PDE4B: variants seen among roughly 807,000 people sequenced by gnomAD.
PDE4B encodes 3',5'-cyclic-AMP phosphodiesterase 4B.
PDE4B carries 20 observed loss-of-function variants against 82.2 expected under a neutral mutation model. That is an observed-to-expected ratio of 0.24 (90% confidence interval 0.17 to 0.35). The LOEUF (loss-of-function observed/expected upper bound fraction) is 0.35. Ranked by LOEUF, PDE4B falls within the 10% of genes least tolerant of loss-of-function variation. The probability of loss-of-function intolerance (pLI) is 1.00; values close to 1 mark genes in which losing one functional copy is unlikely to be tolerated. For synonymous variants in PDE4B, 320 were observed against 318.9 expected (o/e 1.00, Z -0.04); for missense variants, 655 against 907.2 (o/e 0.72, Z 3.57).
chr1:65,833,366 T>G (rs995934090), intron 1 of PDE4B, among the ~76,000 whole-genome samples: 2 of 152,214 alleles, frequency 1.3e-5, no homozygotes, highest in African/African-American at 4.8e-5. Context: ...CACCAGACTT[T>G]AAGGCGTCTG....
At chr1:66,084,085 T>A (rs1366283642) in intron 3 of PDE4B, among the ~76,000 whole-genome samples, 1 of 152,072 alleles carries the variant, frequency 6.6e-6, no homozygotes, top group East Asian at 1.9e-4. Flanking sequence ...ACAGAAAGGG[T>A]AAGCCTTAAT....
At chr1:66,018,777 T>C (rs1652922155) in intron 3 of PDE4B, among the ~76,000 whole-genome samples, 1 of 152,200 alleles carries the variant, frequency 6.6e-6, no homozygotes. Flanking sequence ...TATATATTTA[T>C]CCAACCATTA....
rs560468959 is a variant in PDE4B, at chr1:65,957,855, T to C, written c.281+39020T>C. On this transcript the variant is annotated intron_variant, in intron 3 of 16. Coordinates refer to ENST00000341517, the MANE Select transcript of PDE4B (RefSeq NM_002600.4). ...CATGGAAATAAAATTAGATTTTATA[T>C]TTTGACATTACAACCAGCTGTTTGT... 5.3e-3 allele frequency among the ~76,000 whole-genome samples: 803 copies of C among 152,252 alleles called. 3 individuals are homozygous for C. The highest frequency in any genetic ancestry group is 0.018 in the African/African-American group (760 of 41,566).
intron 3 of PDE4B, among the ~76,000 whole-genome samples, chr1:66,056,961 T>C (rs1655335349): frequency 6.6e-6 from 1 of 152,230 alleles, no homozygotes; most frequent in East Asian, 1.9e-4. Context: ...TTGCAGTAAT[T>C]TATGACAGCA....
intron 3 of PDE4B, among the ~76,000 whole-genome samples, chr1:66,139,926 T>G (rs531659584): frequency 6.6e-6 from 1 of 152,276 alleles, no homozygotes; most frequent in East Asian, 1.9e-4. Flanking sequence ...TTTACCTATA[T>G]GAGGTACTTA....
chr1:65,819,117 G>A (rs554614659), intron 1 of PDE4B, among the ~76,000 whole-genome samples: 24 of 152,116 alleles, frequency 1.6e-4, no homozygotes, highest in African/African-American at 5.3e-4. Context: ...ACCACACAAG[G>A]GCTTTTGAAC....
chr1:66,240,949 G>A (rs1380203108), intron 3 of PDE4B, among the ~76,000 whole-genome samples: 2 of 152,220 alleles, frequency 1.3e-5, no homozygotes, highest in Non-Finnish European at 2.9e-5. Flanking sequence ...GTAGAAGCCG[G>A]ATCCCTAGAA....
intron 3 of PDE4B, among the ~76,000 whole-genome samples, chr1:66,040,872 A>C (rs1654330130): frequency 6.6e-6 from 1 of 151,858 alleles, no homozygotes; most frequent in South Asian, 2.1e-4. Context: ...GAGGGAGAGG[A>C]GGGCTTTTAA....
At chr1:66,320,608 T>C (rs1659334054) in intron 7 of PDE4B, among the ~76,000 whole-genome samples, 2 of 152,176 alleles carry the variant, frequency 1.3e-5, no homozygotes, top group Non-Finnish European at 1.5e-5. Flanking sequence ...AGCCCATCTG[T>C]TGATATGTTG....
rs568902261 is a variant in PDE4B, at chr1:66,202,527, G to C, written c.282-44933G>C. Among the ~76,000 whole-genome samples, 245 of 152,252 alleles carry C rather than the reference G, an allele frequency of 1.6e-3. 1 individual carries two copies. Among genetic ancestry groups the C allele is most frequent in the African/African-American group, 5.8e-3 (239 of 41,520 alleles). On this transcript the variant is annotated intron_variant, in intron 3 of 16. Transcript: ENST00000341517. ...CAGGACTTGCTTTATGAATCTGGGT[G>C]CGCCTGTATTGGGTGCATATATATT... is the stretch of plus-strand genomic sequence containing the variant.
intron 3 of PDE4B, among the ~76,000 whole-genome samples, chr1:66,021,255 A>G (rs1020388760): frequency 2.0e-5 from 3 of 152,200 alleles, no homozygotes; most frequent in Non-Finnish European, 4.4e-5. Context: ...ACTTTCTCCC[A>G]TTCAATAAGT....
intron 3 of PDE4B, among the ~76,000 whole-genome samples, chr1:65,972,751 A>AT (rs962641540): frequency 2.6e-5 from 4 of 152,076 alleles, no homozygotes. Flanking sequence ...ATTATTTTCA[A>AT]TTTTTTCCTT....
At chr1:66,317,357 G>A (rs1021893308) in intron 7 of PDE4B, among the ~76,000 whole-genome samples, 11 of 151,938 alleles carry the variant, frequency 7.2e-5, no homozygotes, top group African/African-American at 1.5e-4. Context: ...ACCCTACCCC[G>A]CACACTTCAG....
chr1:66,048,436 G>T (rs972280455), intron 3 of PDE4B, among the ~76,000 whole-genome samples: 1 of 151,894 alleles, frequency 6.6e-6, no homozygotes, highest in Non-Finnish European at 1.5e-5. Flanking sequence ...ATCTTGACCA[G>T]ATATTATTTG....
intron 1 of PDE4B, among the ~76,000 whole-genome samples, chr1:65,875,695 G>C (rs1023152819): frequency 6.7e-6 from 1 of 148,944 alleles, no homozygotes; most frequent in African/African-American, 2.5e-5. Context: ...GTAAACTATT[G>C]CAAGAACAAA....
chr1:65,954,538 T>G (rs1409518590), intron 3 of PDE4B, among the ~76,000 whole-genome samples: 1 of 152,104 alleles, frequency 6.6e-6, no homozygotes, highest in Non-Finnish European at 1.5e-5. Context: ...AGAAAAAAAT[T>G]ACCAAGTATT....
intron 1 of PDE4B, among the ~76,000 whole-genome samples, chr1:65,865,765 G>A (rs1646503971): frequency 6.6e-6 from 1 of 152,192 alleles, no homozygotes; most frequent in Non-Finnish European, 1.5e-5. Context: ...TGGAAATGCA[G>A]AAATCACGCA....
In PDE4B at chr1:66,112,394, C is replaced by T. The variant is rs938393232; in HGVS notation, c.282-135066C>T. ...TATAATGAGGACAGAATTGAGGTCA[C>T]GTCTCTACCAGTGTGACTAGGAACA... is the stretch of plus-strand genomic sequence containing the variant. On this transcript the variant is annotated intron_variant, in intron 3 of 16. Transcript: ENST00000341517. 2.6e-5 allele frequency among the ~76,000 whole-genome samples: 4 copies of T among 152,126 alleles called. No individual in the cohort carries two copies. In the East Asian group the frequency reaches 5.8e-4, roughly 22 times the overall value.
At chr1:65,826,772 G>A (rs997294823) in intron 1 of PDE4B, among the ~76,000 whole-genome samples, 1 of 152,190 alleles carries the variant, frequency 6.6e-6, no homozygotes, top group African/African-American at 2.4e-5. Flanking sequence ...ACTTCCGGAG[G>A]AGAAGGAACA....
Sources: allele counts gnomAD v4.1 joint callset (sites outside exome capture counted in the v4.1 genomes callset), GRCh38; gene constraint gnomAD v4.1.1; transcripts MANE v1.5; gene names NCBI Gene and HGNC (gene_info 2026-07-23, HGNC 2026-07-21).